Variants in ERBB4 observed in about 807,000 individuals in gnomAD.
ERBB4 encodes the protein erb-b2 receptor tyrosine kinase 4, also known as receptor tyrosine-protein kinase erbB-4.
A neutral mutation model predicts 158.0 loss-of-function variants in ERBB4; 42 were observed. The ratio of observed to expected loss-of-function variants is 0.27; its 90% CI spans 0.21 to 0.34. The LOEUF (loss-of-function observed/expected upper bound fraction) is 0.34, where lower values mean the gene tolerates loss of function less well. Among genes scored for constraint, ERBB4 ranks in the 10% least tolerant of loss-of-function variants. The pLI is 1.00. For missense variants in ERBB4, 1,333 were observed against 1,624.1 expected (o/e 0.82, Z 3.08); for synonymous variants, 583 against 558.7 (o/e 1.04, Z -0.61).
chr2:211,715,350 C>T (rs1266294939), intron 7 of ERBB4, among the ~76,000 whole-genome samples: 1 of 152,184 alleles, frequency 6.6e-6, no homozygotes, highest in African/African-American at 2.4e-5. Context: ...AAAGTCCAAT[C>T]TTGCTTTCTT....
chr2:212,491,137 A>G (rs974458699), intron 1 of ERBB4, among the ~76,000 whole-genome samples: 1 of 151,616 alleles, frequency 6.6e-6, no homozygotes, highest in African/African-American at 2.4e-5. Context: ...CTGAATGATC[A>G]TAAGTATAAG....
chr2:212,520,047 A>C (rs943238445), intron 1 of ERBB4, among the ~76,000 whole-genome samples: 5 of 150,962 alleles, frequency 3.3e-5, no homozygotes, highest in Non-Finnish European at 5.9e-5. Flanking sequence ...GACAATTATT[A>C]TTTATCAACC....
chr2:211,522,059 A>G (rs1232689619), intron 20 of ERBB4, among the ~76,000 whole-genome samples: 2 of 152,168 alleles, frequency 1.3e-5, no homozygotes, highest in African/African-American at 4.8e-5. Context: ...TCGAGGAGTA[A>G]TTTGACTTTC....
At chr2:211,978,944 T>C (rs1401657908) in intron 2 of ERBB4, among the ~76,000 whole-genome samples, 3 of 152,164 alleles carry the variant, frequency 2.0e-5, no homozygotes, top group African/African-American at 7.2e-5. Context: ...AATCATCTAA[T>C]ACTTCTCTTG....
At position 212,213,918 on chromosome 2, in the gene ERBB4, T is replaced by A. The variant is rs1243604407; in HGVS notation, c.83-89015A>T. On this transcript the variant is annotated intron_variant, in intron 1 of 27. Transcript: ENST00000342788. ...AAAATTCAGAGAATTCAGATTTCTT[T>A]GGTGTTTGCAGGTTAATCCCTTTGT... Among the ~76,000 whole-genome samples the A allele has an allele frequency of 2.6e-5, 4 of 151,830 alleles. No individual in the cohort carries two copies. The East Asian group carries it at 7.7e-4, about 29-fold the overall frequency.
At chr2:212,140,793 C>T (rs899392814) in intron 1 of ERBB4, among the ~76,000 whole-genome samples, 1 of 150,276 alleles carries the variant, frequency 6.7e-6, no homozygotes, top group Non-Finnish European at 1.5e-5. Context: ...TAAAGTTGCT[C>T]TATAAAGTTC....
At chr2:211,830,306 C>T (rs1448823782) in intron 3 of ERBB4, among the ~76,000 whole-genome samples, 1 of 152,104 alleles carries the variant, frequency 6.6e-6, no homozygotes, top group Admixed American at 6.6e-5. Flanking sequence ...CTTCCCTGAT[C>T]TCTATGCTAA....
At chr2:211,690,794 T>C (rs1294748115) in intron 12 of ERBB4, among the ~76,000 whole-genome samples, 2 of 152,224 alleles carry the variant, frequency 1.3e-5, no homozygotes, top group East Asian at 3.8e-4. Context: ...GGAAGGGCTC[T>C]GCAATGGCTT....
chr2:211,938,333 C>T (rs2080385645), intron 3 of ERBB4, among the ~76,000 whole-genome samples: 1 of 152,110 alleles, frequency 6.6e-6, no homozygotes, highest in African/African-American at 2.4e-5. Flanking sequence ...TAGAATTTGA[C>T]TCAGGGAGCC....
chr2:211,404,094 A>G (rs1412024124), intron 25 of ERBB4, among the ~76,000 whole-genome samples: 3 of 152,042 alleles, frequency 2.0e-5, no homozygotes, highest in Admixed American at 6.6e-5. Context: ...CTTATACCCC[A>G]TTATCCTTTA....
intron 14 of ERBB4, among the ~76,000 whole-genome samples, chr2:211,672,653 A>G (rs562091120): frequency 6.6e-6 from 1 of 152,284 alleles, no homozygotes; most frequent in East Asian, 1.9e-4. Flanking sequence ...TGCATATAAA[A>G]ATGTGTGATA....
chr2:211,828,489 A>G (rs1478642851), intron 3 of ERBB4, among the ~76,000 whole-genome samples: 2 of 152,260 alleles, frequency 1.3e-5, no homozygotes, highest in East Asian at 3.9e-4. Flanking sequence ...ACAATGCTGC[A>G]GAGATGGACT....
chr2:211,483,266 A>T (rs1381085867), intron 20 of ERBB4, among the ~76,000 whole-genome samples: 9 of 151,948 alleles, frequency 5.9e-5, no homozygotes, highest in Non-Finnish European at 1.3e-4. Flanking sequence ...GAGAGGGATT[A>T]AAAAAAAGCG....
chr2:211,540,310 A>T (rs983825611), intron 20 of ERBB4, among the ~76,000 whole-genome samples: 1 of 151,834 alleles, frequency 6.6e-6, no homozygotes, highest in African/African-American at 2.4e-5. Context: ...CACACACATG[A>T]ATAATACACA....
chr2:211,858,633 G>A (rs10497952), intron 3 of ERBB4, among the ~76,000 whole-genome samples: 32,300 of 151,740 alleles, frequency 0.21, 3,579 homozygotes, highest in South Asian at 0.32. Context: ...CTTGGCTAGC[G>A]TTTCTCTGTT....
In ERBB4 at chr2:211,990,428, G is replaced by T. The variant is rs151169358; in HGVS notation, c.235-42812C>A. Among the ~76,000 whole-genome samples, 568 of 151,730 alleles carry T rather than the reference G, an allele frequency of 3.7e-3. 3 individuals are homozygous for T. Among genetic ancestry groups the T allele is most frequent in the African/African-American group, 0.013 (539 of 41,404 alleles). ...AACATTCAGATTATTTGAAATAACT[G>T]TACATTTGTCACAAAATCCAACAAG... is the stretch of plus-strand genomic sequence containing the variant. On this transcript the variant is annotated intron_variant, in intron 2 of 27. Transcript: ENST00000342788.
chr2:211,885,487 A>C (rs2078775475), intron 3 of ERBB4, among the ~76,000 whole-genome samples: 1 of 151,894 alleles, frequency 6.6e-6, no homozygotes, highest in African/African-American at 2.4e-5. Flanking sequence ...ACAGGCTCTC[A>C]CTCTGTCACC....
At chr2:211,878,835 A>C (rs2106141894) in intron 3 of ERBB4, among the ~76,000 whole-genome samples, 1 of 152,220 alleles carries the variant, frequency 6.6e-6, no homozygotes, top group South Asian at 2.1e-4. Context: ...AAAACAAAAA[A>C]CAAAAATTGC....
chr2:212,017,280 A>G (rs867751636), intron 2 of ERBB4, among the ~76,000 whole-genome samples: 1 of 152,136 alleles, frequency 6.6e-6, no homozygotes, highest in South Asian at 2.1e-4. Flanking sequence ...AGAGTAAAAA[A>G]GCTAATAAAT....
Sources: gnomAD v4.1 joint callset for allele counts (sites outside exome capture counted in the v4.1 genomes callset) on GRCh38, gnomAD v4.1.1 for gene constraint, MANE v1.5 for transcripts, NCBI Gene and HGNC (gene_info 2026-07-23, HGNC 2026-07-21) for gene names.